Variants in CR1L observed in about 807,000 individuals in gnomAD.
CR1L encodes complement C3b/C4b receptor 1 like.
In CR1L, 59 loss-of-function variants were observed where a neutral mutation model predicts 62.3. That is an observed-to-expected ratio of 0.95 (90% CI 0.77 to 1.18). The LOEUF (loss-of-function observed/expected upper bound fraction) is 1.18, where lower values mean the gene tolerates loss of function less well. CR1L is among the 50% of genes most tolerant of loss of function. The probability of loss-of-function intolerance (pLI) is 0.00; values close to 1 mark genes in which losing one functional copy is unlikely to be tolerated. For missense variants in CR1L, 700 were observed against 702.8 expected (o/e 1.00, Z 0.04); for synonymous variants, 279 against 248.7 (o/e 1.12, Z -1.15).
At chr1:207,701,856 GA>G (rs1231786691) in intron 9 of CR1L, 29 of 665,012 alleles carry the variant, frequency 4.4e-5, no homozygotes, top group African/African-American at 1.8e-4. Flanking sequence ...GGATGGGAAG[GA>G]AAAAAAATTA....
chr1:207,687,283 G>A (rs147560709), intron 4 of CR1L, among the ~76,000 whole-genome samples: 1,843 of 152,268 alleles, frequency 0.012, 36 homozygotes, highest in African/African-American at 0.042. Flanking sequence ...CACTGGAAAA[G>A]CCATATAGCC....
intron 1 of CR1L, among the ~76,000 whole-genome samples, chr1:207,672,739 C>T (rs1663632395): frequency 6.6e-6 from 1 of 152,088 alleles, no homozygotes; most frequent in Admixed American, 6.5e-5. Context: ...ACATGGTCCT[C>T]ATGTAGGATC....
chr1:207,656,056 C>G (rs1663305445), intron 1 of CR1L, among the ~76,000 whole-genome samples: 1 of 152,060 alleles, frequency 6.6e-6, no homozygotes, highest in South Asian at 2.1e-4. Context: ...GTCTAATACC[C>G]TGAAACCCCG....
chr1:207,693,152 C>G lies in CR1L; in HGVS notation c.464-1201C>G, dbSNP rs373823076. Reference sequence around the variant, plus strand: ...ATTTCTTTGTATTGCTTGGGTTTATCTTGTTGCACAACTGGAGTGCAGTGG... The same window carrying G: ...ATTTCTTTGTATTGCTTGGGTTTATGTTGTTGCACAACTGGAGTGCAGTGG... On this transcript the variant is annotated intron_variant, in intron 4 of 11. Transcript: ENST00000508064. 3.5e-4 allele frequency among the ~76,000 whole-genome samples: 54 copies of G among 152,222 alleles called. No homozygotes were observed. In the East Asian group the frequency reaches 8.5e-3, roughly 24 times the overall value.
intron 1 of CR1L, among the ~76,000 whole-genome samples, chr1:207,661,594 T>A (rs1280413793): frequency 6.6e-6 from 1 of 152,352 alleles, no homozygotes; most frequent in East Asian, 1.9e-4. Flanking sequence ...CTTGACTCTT[T>A]ATCCTATTTG....
intron 10 of CR1L, among the ~76,000 whole-genome samples, chr1:207,714,085 T>C (rs534683342): frequency 6.6e-6 from 1 of 152,290 alleles, no homozygotes; most frequent in Admixed American, 6.5e-5. Flanking sequence ...AAGCTTATGC[T>C]GACAATAGAA....
intron 1 of CR1L, among the ~76,000 whole-genome samples, chr1:207,657,585 A>G (rs1283736536): frequency 6.6e-6 from 1 of 151,574 alleles, no homozygotes; most frequent in Non-Finnish European, 1.5e-5. Flanking sequence ...TGTTTGAAAG[A>G]CCAAAAAAAA....
intron 1 of CR1L, among the ~76,000 whole-genome samples, chr1:207,675,325 A>G (rs1471133715): frequency 2.6e-5 from 4 of 152,202 alleles, no homozygotes. Flanking sequence ...TGAGAGGGTC[A>G]GGGAAGGCAT....
At chr1:207,684,894 A>G (rs1383171449) in intron 4 of CR1L, among the ~76,000 whole-genome samples, 1 of 152,192 alleles carries the variant, frequency 6.6e-6, no homozygotes, top group Non-Finnish European at 1.5e-5. Flanking sequence ...TCTTCTTGGT[A>G]TTTAAAAATG....
intron 1 of CR1L, among the ~76,000 whole-genome samples, chr1:207,656,285 A>T (rs1165273462): frequency 1.3e-5 from 2 of 152,196 alleles, no homozygotes; most frequent in Non-Finnish European, 2.9e-5. Context: ...ACTTATAAGG[A>T]TGAGAGTGAA....
At chr1:207,648,907 A>G (rs994708701) in intron 1 of CR1L, among the ~76,000 whole-genome samples, 1 of 152,206 alleles carries the variant, frequency 6.6e-6, no homozygotes, top group Non-Finnish European at 1.5e-5. Flanking sequence ...TATGAAATTG[A>G]TTACAATATA....
chr1:207,682,301 G>A lies in CR1L; in HGVS notation c.378-1571G>A, dbSNP rs188911752. 2.0e-3 allele frequency among the ~76,000 whole-genome samples: 299 copies of A among 151,992 alleles called. 1 individual carries two copies. Among genetic ancestry groups the A allele is most frequent in the Middle Eastern group, 3.4e-3 (1 of 294 alleles). On this transcript the variant is annotated intron_variant, in intron 3 of 11. Transcript: ENST00000508064. ...ACCCTAGTCAACATGATGAAACCCC[G>A]TCTTTACTAAAAATACAAAAATTAG...
chr1:207,654,371 A>G (rs1332239549), intron 1 of CR1L, among the ~76,000 whole-genome samples: 1 of 152,206 alleles, frequency 6.6e-6, no homozygotes, highest in African/African-American at 2.4e-5. Flanking sequence ...GAGGGATACC[A>G]AAAGTTTAAG....
At chr1:207,683,000 C>CTTTT (rs1558017884) in intron 3 of CR1L, among the ~76,000 whole-genome samples, 11 of 132,920 alleles carry the variant, frequency 8.3e-5, no homozygotes, top group South Asian at 3.0e-4. Flanking sequence ...TTTTTTCTTT[C>CTTTT]TTTCTTTCTT....
chr1:207,702,589 G>A (rs1422276491), intron 9 of CR1L, among the ~76,000 whole-genome samples: 1 of 152,212 alleles, frequency 6.6e-6, no homozygotes, highest in Non-Finnish European at 1.5e-5. Context: ...GTACTTGAAG[G>A]AAACTTAAAG....
intron 1 of CR1L, chr1:207,657,324 A>T (rs1663332775): frequency 9.7e-7 from 1 of 1,028,450 alleles, no homozygotes; most frequent in South Asian, 1.3e-5. Context: ...TGTAAAAGTC[A>T]CCTTTCAATT....
chr1:207,702,585 G>A (rs1011289903), intron 9 of CR1L, among the ~76,000 whole-genome samples: 2 of 152,208 alleles, frequency 1.3e-5, no homozygotes, highest in Non-Finnish European at 2.9e-5. Flanking sequence ...AAAAGTACTT[G>A]AAGGAAACTT....
chr1:207,710,678 G>T, intron 10 of CR1L: 1 of 1,610,110 alleles, frequency 6.2e-7, no homozygotes, highest in South Asian at 1.1e-5. Flanking sequence ...AAATGAAGTT[G>T]TGGAGTTTAG....
intron 8 of CR1L, among the ~76,000 whole-genome samples, chr1:207,700,754 C>T (rs1245264275): frequency 6.6e-6 from 1 of 152,162 alleles, no homozygotes; most frequent in East Asian, 1.9e-4. Context: ...TTCCCAAGAA[C>T]GTAGGCCCCT....
Sources: gnomAD v4.1 joint callset for allele counts (sites outside exome capture counted in the v4.1 genomes callset) on GRCh38, gnomAD v4.1.1 for gene constraint, MANE v1.5 for transcripts, NCBI Gene and HGNC (gene_info 2026-07-23, HGNC 2026-07-21) for gene names.